The following ZNF827 variants were observed in gnomAD, a reference collection of about 807,000 sequenced individuals.
ZNF827 encodes zinc finger protein 827.
Under a neutral mutation model 102.4 loss-of-function variants are expected in ZNF827, and 13 were observed. The ratio of observed to expected loss-of-function variants is 0.13; its 90% confidence interval spans 0.08 to 0.20. The LOEUF (loss-of-function observed/expected upper bound fraction) is 0.20. Among genes scored for constraint, ZNF827 ranks in the 10% least tolerant of loss-of-function variants. The pLI is 1.00. For synonymous variants in ZNF827, 523 were observed against 536.2 expected (o/e 0.98, Z 0.34); for missense variants, 1,103 against 1,344.4 (o/e 0.82, Z 2.81).
intron 8 of ZNF827, among the ~76,000 whole-genome samples, chr4:145,801,750 C>G (rs193160477): frequency 9.2e-5 from 14 of 152,294 alleles, no homozygotes; most frequent in Non-Finnish European, 1.8e-4. Context: ...ATGGAAATTA[C>G]ATTATGTTTT....
rs532190067 is a variant in ZNF827 at position 145,870,551 on chromosome 4, G to A, written c.1748-73C>T. On this transcript the variant is annotated intron_variant, in intron 4 of 14. Transcript: ENST00000508784. Reference sequence around the variant, plus strand: ...CTCCTTAGCTGCCCTGGTACTTCACGAAGTATGGAATGCACAATCACACTG... The same window carrying A: ...CTCCTTAGCTGCCCTGGTACTTCACAAAGTATGGAATGCACAATCACACTG... 3.9e-5 allele frequency: 51 copies of A among 1,297,494 alleles called. No homozygotes were observed. In the South Asian group the frequency reaches 5.8e-4, roughly 15 times the overall value. 80.4% of individuals were successfully genotyped at this position (1,297,494 alleles called of 1,614,324 possible). A position where few individuals can be genotyped will look rare whatever the true frequency, so the allele number is the denominator to read the frequency against.
chr4:145,891,838 G>A (rs913592617), intron 3 of ZNF827, among the ~76,000 whole-genome samples: 2 of 152,172 alleles, frequency 1.3e-5, no homozygotes, highest in African/African-American at 2.4e-5. Context: ...TCCAGGAAGG[G>A]GAGCAGGTTC....
chr4:145,775,647 T>G (rs1468708447), intron 10 of ZNF827, 142 bp downstream of exon 10: 5 of 1,053,030 alleles, frequency 4.7e-6, no homozygotes, highest in Non-Finnish European at 5.5e-6. Flanking sequence ...GGGCTCAATC[T>G]GAGCAAAGAA....
At chr4:145,802,554 G>C (rs1055145969) in intron 8 of ZNF827, among the ~76,000 whole-genome samples, 1 of 152,204 alleles carries the variant, frequency 6.6e-6, no homozygotes, top group African/African-American at 2.4e-5. Context: ...ACTCAAAGCT[G>C]GGGACTCCAG....
At chr4:145,896,418 T>C (rs1399645700) in intron 2 of ZNF827, among the ~76,000 whole-genome samples, 5 of 151,714 alleles carry the variant, frequency 3.3e-5, no homozygotes, top group Admixed American at 2.6e-4. Flanking sequence ...AAAAGAGACA[T>C]GGAAAAGATA....
At chr4:145,793,019 G>A (rs1411118650) in intron 8 of ZNF827, among the ~76,000 whole-genome samples, 4 of 151,844 alleles carry the variant, frequency 2.6e-5, no homozygotes, top group African/African-American at 9.7e-5. Flanking sequence ...ACCTTGGAAA[G>A]TGTCTCTTCC....
intron 8 of ZNF827, among the ~76,000 whole-genome samples, chr4:145,807,084 T>A (rs1487398923): frequency 1.3e-5 from 2 of 152,154 alleles, no homozygotes; most frequent in African/African-American, 4.8e-5. Context: ...ATTAATAACT[T>A]ACAGGATGTG....
At chr4:145,928,886 G>C (rs1753616032) in intron 1 of ZNF827, among the ~76,000 whole-genome samples, 1 of 152,198 alleles carries the variant, frequency 6.6e-6, no homozygotes, top group Non-Finnish European at 1.5e-5. Flanking sequence ...CCGAGTGGCA[G>C]GAACTGTGGC....
rs1161881616 is a variant in ZNF827 at position 145,870,417 on chromosome 4, C to T, written c.1809G>A (p.Gly603=). ...GAGGCAAAGTCGTGCTTAGGGACTC[C>T]CCTTCCTTAGGCTCCTCTTTCACTT... ...NFKVKEEPKE[G]ESLSTTLPRS... is the part of the protein sequence containing the mutation. The change falls in exon 5 of 15, where the codon GGG becomes GGA. Residue 603 remains glycine (G), a synonymous_variant. Coordinates refer to ENST00000508784, the MANE Select transcript of ZNF827 (RefSeq NM_001306215.2). 1 of 1,614,114 alleles carries T rather than the reference C, an allele frequency of 6.2e-7. No individual in the cohort carries two copies. Among genetic ancestry groups the T allele is most frequent in the Non-Finnish European group, 8.5e-7 (1 of 1,180,016 alleles).
At chr4:145,791,037 T>A (rs1326573081) in intron 8 of ZNF827, among the ~76,000 whole-genome samples, 1 of 152,230 alleles carries the variant, frequency 6.6e-6, no homozygotes, top group East Asian at 1.9e-4. Context: ...TATGTAATTA[T>A]TTTTCCTCAG....
At position 145,794,696 on chromosome 4, in the gene ZNF827, T is replaced by C. The variant is rs146710151; in HGVS notation, c.2384-15185A>G. ...GCCCGGGCGACAGGGCGAGACCCTG[T>C]CTCAGAAGAAAAAAAAATAGCACAT... On this transcript the variant is annotated intron_variant, in intron 8 of 14. Coordinates refer to ENST00000508784, the MANE Select transcript of ZNF827 (RefSeq NM_001306215.2). 9.4e-4 allele frequency among the ~76,000 whole-genome samples: 143 copies of C among 151,940 alleles called. 1 individual carries two copies. Among genetic ancestry groups the C allele is most frequent in the African/African-American group, 3.4e-3 (141 of 41,426 alleles).
chr4:145,832,301 CCA>C (rs58517710), intron 7 of ZNF827: 4,205 of 147,704 alleles, frequency 0.028, 109 homozygotes, highest in African/African-American at 0.07. Context: ...CAAAACAAAA[CCA>C]CACACACACA....
intron 8 of ZNF827, among the ~76,000 whole-genome samples, chr4:145,820,451 G>GT (rs1177295181): frequency 6.6e-6 from 1 of 152,146 alleles, no homozygotes; most frequent in East Asian, 1.9e-4. Flanking sequence ...AAGGTAGAAA[G>GT]TTTTTTAATG....
chr4:145,838,676 A>T (rs959660242), intron 7 of ZNF827, among the ~76,000 whole-genome samples: 10 of 152,220 alleles, frequency 6.6e-5, no homozygotes, highest in African/African-American at 2.4e-4. Flanking sequence ...AATCTTATAT[A>T]TTGTTAGGTG....
intron 8 of ZNF827, among the ~76,000 whole-genome samples, chr4:145,815,355 T>C (rs1227998548): frequency 1.3e-5 from 2 of 152,196 alleles, no homozygotes; most frequent in Admixed American, 6.5e-5. Flanking sequence ...AAAAGCTAAG[T>C]ATCTTGCTAA....
rs1751460467 is a variant in ZNF827 at position 145,902,100 on chromosome 4, T to C, written c.1093+66A>G. ...TGGGGAACCCAACTGAAAAAAGCAA[T>C]GAATAAGACATCGCAGTTTATAGTC... On this transcript the variant is annotated intron_variant, in intron 2 of 14. Coordinates refer to ENST00000508784, the MANE Select transcript of ZNF827 (RefSeq NM_001306215.2). This position sits in a 1 kb window ranked among gnomAD's most constrained non-coding sequence, Gnocchi z 4.3. The C allele has an allele frequency of 1.3e-6, 2 of 1,504,132 alleles. No homozygotes were observed. The highest frequency in any genetic ancestry group is 1.8e-6 in the Non-Finnish European group (2 of 1,127,626). The allele number at this position is 1,504,132 out of a possible 1,614,324, so 93.2% of individuals were successfully genotyped here. A position where few individuals can be genotyped will look rare whatever the true frequency, so the allele number is the denominator to read the frequency against.
chr4:145,898,560 T>C (rs1751156185), intron 2 of ZNF827, among the ~76,000 whole-genome samples: 4 of 152,342 alleles, frequency 2.6e-5, no homozygotes, highest in Admixed American at 2.6e-4. Flanking sequence ...ATTCAGTCAA[T>C]GTGTGACATT....
intron 8 of ZNF827, among the ~76,000 whole-genome samples, chr4:145,807,819 A>G (rs1741626074): frequency 6.6e-6 from 1 of 151,964 alleles, no homozygotes. Flanking sequence ...AACAAAAAAC[A>G]AAAAACATTA....
chr4:145,929,588 G>A (rs1000288813), intron 1 of ZNF827, among the ~76,000 whole-genome samples: 8 of 151,742 alleles, frequency 5.3e-5, no homozygotes, highest in African/African-American at 1.9e-4. Context: ...TACAATAATA[G>A]CCTTGTAAAA....
Sources: gnomAD v4.1 joint callset for allele counts (sites outside exome capture counted in the v4.1 genomes callset) on GRCh38, gnomAD v4.1.1 for gene constraint, Gnocchi (gnomAD v3.1) non-coding constraint, MANE v1.5 for transcripts, NCBI Gene and HGNC (gene_info 2026-07-23, HGNC 2026-07-21) for gene names.